Variants in KL observed in about 807,000 individuals in gnomAD.
KL encodes alpha-klotho.
Under a neutral mutation model 84.2 loss-of-function variants are expected in KL, and 62 were observed. That is an observed-to-expected ratio of 0.74 (90% CI 0.60 to 0.91). The LOEUF is 0.91. Ranked by LOEUF, KL falls within the 40% of genes least tolerant of loss-of-function variation. The probability of loss-of-function intolerance (pLI) is 0.00; values close to 1 mark genes in which losing one functional copy is unlikely to be tolerated. For missense variants in KL, 1,261 were observed against 1,305.7 expected (o/e 0.97, Z 0.53); for synonymous variants, 528 against 528.0 (o/e 1.00, Z 0.00).
intron 1 of KL, among the ~76,000 whole-genome samples, chr13:33,046,793 G>A (rs566715413): frequency 6.7e-6 from 1 of 149,112 alleles, no homozygotes; most frequent in East Asian, 2.0e-4. Context: ...AATTTCCTCT[G>A]AGCATTGCTT....
chr13:33,019,150 A>G (rs1431491228), intron 1 of KL, among the ~76,000 whole-genome samples: 1 of 152,202 alleles, frequency 6.6e-6, no homozygotes, highest in Non-Finnish European at 1.5e-5. Flanking sequence ...GTAAAGTATT[A>G]ATTTTGCTTT....
chr13:33,056,674 C>T lies in KL; in HGVS notation c.1599+1359C>T, dbSNP rs948349341. 5.8e-4 allele frequency among the ~76,000 whole-genome samples: 87 copies of T among 150,660 alleles called. 1 individual carries two copies. The highest frequency in any genetic ancestry group is 3.3e-4 in the Admixed American group (5 of 15,138). On this transcript the variant is annotated intron_variant, in intron 3 of 4. Coordinates refer to ENST00000380099, the MANE Select transcript of KL (RefSeq NM_004795.4). ...AAAAAAAATTATCCGGGTGTGGTGG[C>T]GGGCACCTGTAGTCCCAGCTACTCT... is the stretch of plus-strand genomic sequence containing the variant.
At chr13:33,038,652 A>T (rs1166155619) in intron 1 of KL, among the ~76,000 whole-genome samples, 1 of 152,228 alleles carries the variant, frequency 6.6e-6, no homozygotes, top group Non-Finnish European at 1.5e-5. Flanking sequence ...TATGCCAGGA[A>T]TTTTTAAAAC....
At chr13:33,043,420 A>G (rs1871409116) in intron 1 of KL, among the ~76,000 whole-genome samples, 1 of 152,056 alleles carries the variant, frequency 6.6e-6, no homozygotes, top group South Asian at 2.1e-4. Context: ...GGGTTTCACC[A>G]TGTTGCCCAA....
chr13:33,048,220 A>G (rs1311723426), intron 1 of KL, among the ~76,000 whole-genome samples: 1 of 152,148 alleles, frequency 6.6e-6, no homozygotes, highest in Non-Finnish European at 1.5e-5. Context: ...ATGAGATATT[A>G]TAGGAAGCCT....
In KL at chr13:33,064,797, A is replaced by G; in HGVS notation, c.*611A>G. On this transcript the variant is annotated 3_prime_UTR_variant, in exon 5 of 5. Coordinates refer to ENST00000380099, the MANE Select transcript of KL (RefSeq NM_004795.4). ...TGGTTAATGACATACTTGGAGAGCA[A>G]ATTATGGAAATGTGTATTTTATATG... is the stretch of plus-strand genomic sequence containing the variant. 1 of 225,648 alleles carries G rather than the reference A, an allele frequency of 4.4e-6. No individual in the cohort carries two copies. 14.0% of individuals were successfully genotyped at this position (225,648 alleles called of 1,614,324 possible). A position where few individuals can be genotyped will look rare whatever the true frequency, so the allele number is the denominator to read the frequency against.
At chr13:33,062,141 G>A (rs1468054302) in intron 4 of KL, among the ~76,000 whole-genome samples, 1 of 152,198 alleles carries the variant, frequency 6.6e-6, no homozygotes, top group East Asian at 1.9e-4. Flanking sequence ...CATTTTGGAA[G>A]GCCAAGGCAG....
intron 1 of KL, among the ~76,000 whole-genome samples, chr13:33,022,485 C>T (rs148928957): frequency 6.6e-6 from 1 of 152,296 alleles, no homozygotes; most frequent in African/African-American, 2.4e-5. Flanking sequence ...ATTGAATTGT[C>T]TCAGATCCAC....
chr13:33,055,372 A>G (rs748911384), intron 3 of KL, 57 bp downstream of exon 3: 6 of 1,607,840 alleles, frequency 3.7e-6, no homozygotes, highest in Non-Finnish European at 5.1e-6. Context: ...ACTAGTAAGT[A>G]GTGCTTCCTT....
In KL at chr13:33,044,325, T is replaced by C. The variant is rs185558240; in HGVS notation, c.820-9442T>C. 3.1e-3 allele frequency among the ~76,000 whole-genome samples: 471 copies of C among 152,346 alleles called. 4 individuals are homozygous for C. Among genetic ancestry groups the C allele is most frequent in the African/African-American group, 0.011 (449 of 41,586 alleles). On this transcript the variant is annotated intron_variant, in intron 1 of 4. Coordinates refer to ENST00000380099, the MANE Select transcript of KL (RefSeq NM_004795.4). ...AGCTGTTTTATGTTCTTATTGTATA[T>C]ATTTTAGAATCAACTTATTCATTTC...
intron 1 of KL, among the ~76,000 whole-genome samples, chr13:33,023,442 A>G (rs1303563641): frequency 6.6e-6 from 1 of 152,236 alleles, no homozygotes; most frequent in Non-Finnish European, 1.5e-5. Flanking sequence ...AATGCATTAG[A>G]CATGGTAGCC....
intron 1 of KL, among the ~76,000 whole-genome samples, chr13:33,040,541 T>G (rs971470925): frequency 6.6e-6 from 1 of 152,224 alleles, no homozygotes; most frequent in Non-Finnish European, 1.5e-5. Flanking sequence ...CTATTTGAAT[T>G]ATTTTCTGCT....
At chr13:33,031,328 C>A (rs2138201409) in intron 1 of KL, among the ~76,000 whole-genome samples, 1 of 152,234 alleles carries the variant, frequency 6.6e-6, no homozygotes, top group African/African-American at 2.4e-5. Context: ...CCAAACTGGA[C>A]TTGGAGGCTG....
chr13:33,061,816 T>C, intron 4 of KL, 36 bp downstream of exon 4: 1 of 1,604,170 alleles, frequency 6.2e-7, no homozygotes, highest in South Asian at 1.1e-5. Context: ...TCCTGAAGGT[T>C]ATGTCACCAG....
upstream of KL, chr13:33,016,376 G>GGCGC (rs957518864): frequency 6.0e-6 from 1 of 165,566 alleles, no homozygotes; most frequent in African/African-American, 2.4e-5. Flanking sequence ...TGGGCGGGCG[G>GGCGC]GCGCGGCGGG....
At chr13:33,029,825 G>A (rs1158671862) in intron 1 of KL, among the ~76,000 whole-genome samples, 3 of 152,056 alleles carry the variant, frequency 2.0e-5, no homozygotes, top group Admixed American at 1.3e-4. Flanking sequence ...AGTAGAGACG[G>A]GGTTTCACCG....
In KL at chr13:33,053,838, C is replaced by T. The variant is rs150236500; in HGVS notation, c.891C>T (p.Ala297=). 2.5e-6 allele frequency: 4 copies of T among 1,613,880 alleles called. No homozygotes were observed. The highest frequency in any genetic ancestry group is 1.1e-5 in the South Asian group (1 of 91,078). ...RPTQGGQVSI[A]LSSHWINPRR... ...CTCAGGGAGGTCAGGTGTCCATTGC[C>T]CTAAGCTCTCACTGGATCAATCCTC... The change falls in exon 2 of 5, where the codon GCC becomes GCT. Residue 297 remains alanine, a synonymous_variant. Coordinates refer to ENST00000380099, the MANE Select transcript of KL (RefSeq NM_004795.4).
chr13:33,039,988 G>A (rs1871280089), intron 1 of KL, among the ~76,000 whole-genome samples: 2 of 152,192 alleles, frequency 1.3e-5, no homozygotes, highest in South Asian at 4.1e-4. Flanking sequence ...GGGGTGCCAA[G>A]CTGCTGCCTG....
In KL at chr13:33,061,529, A is replaced by T; in HGVS notation, c.2450A>T (p.Glu817Val). ...SHYTTILVDS[E>V]KEDPIKYNDY... is the part of the protein sequence containing the mutation. Reference sequence around the variant, plus strand: ...TATACCACCATCCTTGTAGACTCAGAAAAAGAAGATCCAATAAAATACAAT... The same window carrying T: ...TATACCACCATCCTTGTAGACTCAGTAAAAGAAGATCCAATAAAATACAAT... The change falls in exon 4 of 5, where the codon GAA (glutamate) becomes GTA (valine). Residue 817 changes from glutamate to valine, a missense_variant. By Grantham distance (121) the Glu-to-Val change is moderately radical. Coordinates refer to ENST00000380099, the MANE Select transcript of KL (RefSeq NM_004795.4). 6.2e-7 allele frequency: 1 copy of T among 1,614,218 alleles called. No homozygotes were observed. Among genetic ancestry groups the T allele is most frequent in the Non-Finnish European group, 8.5e-7 (1 of 1,180,042 alleles).
Sources: allele counts gnomAD v4.1 joint callset (sites outside exome capture counted in the v4.1 genomes callset), GRCh38; gene constraint gnomAD v4.1.1; transcripts MANE v1.5; gene names NCBI Gene and HGNC (gene_info 2026-07-23, HGNC 2026-07-21).